CDC42SE2: variants seen among roughly 807,000 people sequenced by gnomAD.
CDC42SE2 encodes CDC42 small effector protein 2.
Under a neutral mutation model 11.5 loss-of-function variants are expected in CDC42SE2, and 3 were observed. The observed-to-expected ratio is 0.26, with a 90% CI of 0.12 to 0.67. CDC42SE2 has a LOEUF of 0.67. Ranked by LOEUF, CDC42SE2 falls within the 30% of genes least tolerant of loss-of-function variation. The pLI, the probability that CDC42SE2 is intolerant of heterozygous loss-of-function variation, is 0.80. For missense variants in CDC42SE2, 82 were observed against 106.8 expected, an observed-to-expected ratio of 0.77 and a Z score of 1.02; for synonymous variants, 33 against 34.8, an observed-to-expected ratio of 0.95 and a Z score of 0.18.
chr5:131,263,863 G>A (rs907285268), upstream of CDC42SE2: 1 of 152,318 alleles, frequency 6.6e-6, no homozygotes, highest in Non-Finnish European at 1.5e-5. Context: ...GAATCCCGGG[G>A]GTCCCATCGC....
At chr5:131,298,947 A>G (rs1287257674) in intron 1 of CDC42SE2, among the ~76,000 whole-genome samples, 1 of 152,182 alleles carries the variant, frequency 6.6e-6, no homozygotes, top group Non-Finnish European at 1.5e-5. Flanking sequence ...GAGGGCCTGA[A>G]TAGACTTGGG....
At chr5:131,283,421 C>T (rs1043067992) in intron 1 of CDC42SE2, among the ~76,000 whole-genome samples, 2 of 152,028 alleles carry the variant, frequency 1.3e-5, no homozygotes, top group African/African-American at 4.8e-5. Flanking sequence ...CGATATGTGA[C>T]CTTTTGTGTC....
chr5:131,307,425 C>G (rs565682032), intron 1 of CDC42SE2, among the ~76,000 whole-genome samples: 133 of 152,038 alleles, frequency 8.7e-4, no homozygotes, highest in South Asian at 2.7e-3. Context: ...CATAGTATTC[C>G]GTGGTGTATA....
intron 2 of CDC42SE2, among the ~76,000 whole-genome samples, chr5:131,347,809 G>GTC (rs2149759387): frequency 6.6e-6 from 1 of 152,304 alleles, no homozygotes; most frequent in East Asian, 1.9e-4. Context: ...CCACGATCAA[G>GTC]TGGGCTTTAT....
chr5:131,366,574 T>G (rs1749864308), intron 3 of CDC42SE2, among the ~76,000 whole-genome samples: 2 of 152,230 alleles, frequency 1.3e-5, no homozygotes, highest in Non-Finnish European at 1.5e-5. Context: ...TTTTTTTGTT[T>G]TTTTTACTAC....
chr5:131,233,321 T>C, the CDC42SE2 span, among the ~76,000 whole-genome samples: 1 of 152,216 alleles, frequency 6.6e-6, no homozygotes, highest in Non-Finnish European at 1.5e-5. Flanking sequence ...ATATATTTAA[T>C]CAGTCACCTA....
intron 1 of CDC42SE2, among the ~76,000 whole-genome samples, chr5:131,283,085 G>A (rs1580730066): frequency 1.3e-5 from 2 of 151,784 alleles, no homozygotes; most frequent in Non-Finnish European, 2.9e-5. Flanking sequence ...GTGCCACCAT[G>A]CCTGGCTAAT....
At chr5:131,287,287 G>T (rs930579956) in intron 1 of CDC42SE2, among the ~76,000 whole-genome samples, 1 of 151,904 alleles carries the variant, frequency 6.6e-6, no homozygotes, top group Non-Finnish European at 1.5e-5. Context: ...GAGTCACCTC[G>T]CCCGGCCTTG....
intron 2 of CDC42SE2, among the ~76,000 whole-genome samples, chr5:131,344,930 G>A (rs1758802797): frequency 6.6e-6 from 1 of 152,216 alleles, no homozygotes; most frequent in Non-Finnish European, 1.5e-5. Context: ...ACCTGCAGCT[G>A]AGGGTCCTGA....
intron 3 of CDC42SE2, among the ~76,000 whole-genome samples, chr5:131,376,248 C>CA (rs760294077): frequency 2.7e-5 from 4 of 149,390 alleles, no homozygotes; most frequent in African/African-American, 7.4e-5. Flanking sequence ...AAAAAAAAAA[C>CA]AAAAAACCTT....
chr5:131,372,579 T>C (rs1052003677), intron 3 of CDC42SE2, among the ~76,000 whole-genome samples: 1 of 152,036 alleles, frequency 6.6e-6, no homozygotes, highest in African/African-American at 2.4e-5. Context: ...CTGGGTGTGG[T>C]GGCACGCACC....
At chr5:131,304,733 G>A (rs1283856743) in intron 1 of CDC42SE2, among the ~76,000 whole-genome samples, 1 of 152,068 alleles carries the variant, frequency 6.6e-6, no homozygotes, top group Non-Finnish European at 1.5e-5. Context: ...ATTAGTAATC[G>A]TGTTTCTGAT....
Position 131,392,492 on chromosome 5 carries a change from C to CTTA in CDC42SE2, c.*1404_*1406dup, listed in dbSNP as rs1554066914. ...TTTCATAGAAAAAGATTACTTGTAG[C>CTTA]TTATTTTAGAAGTATGACCTTTTGG... is the stretch of plus-strand genomic sequence containing the variant. On this transcript the variant is annotated 3_prime_UTR_variant, in exon 5 of 5. Coordinates refer to ENST00000505065, the MANE Select transcript of CDC42SE2 (RefSeq NM_001375635.1). 15 of 152,334 alleles carry CTTA rather than the reference C, an allele frequency of 9.8e-5. No individual in the cohort carries two copies. The highest frequency in any genetic ancestry group is 8.5e-4 in the Admixed American group (13 of 15,270). 9.4% of individuals were successfully genotyped at this position (152,334 alleles called of 1,614,324 possible).
intron 1 of CDC42SE2, among the ~76,000 whole-genome samples, chr5:131,290,725 A>C (rs1269095955): frequency 4.0e-5 from 6 of 151,786 alleles, no homozygotes; most frequent in Non-Finnish European, 7.4e-5. Flanking sequence ...AGTGATCTGC[A>C]CACCTCGTCC....
chr5:131,218,174 C>CAAAAAA, the CDC42SE2 span, among the ~76,000 whole-genome samples: 1 of 74,758 alleles, frequency 1.3e-5, no homozygotes, highest in African/African-American at 3.7e-5. Flanking sequence ...GACCCTGTCT[C>CAAAAAA]AAAAAAAAAA....
intron 3 of CDC42SE2, among the ~76,000 whole-genome samples, chr5:131,379,207 AG>A (rs1392812915): frequency 6.6e-6 from 1 of 152,226 alleles, no homozygotes; most frequent in Non-Finnish European, 1.5e-5. Flanking sequence ...TCACTGTCCC[AG>A]ATGGCAAGTA....
At chr5:131,248,227 C>A (rs1285528697) in intron 1 of CDC42SE2, among the ~76,000 whole-genome samples, 1 of 152,042 alleles carries the variant, frequency 6.6e-6, no homozygotes, top group Non-Finnish European at 1.5e-5. Context: ...ACAACCTCTG[C>A]CTCCCAGGTT....
At chr5:131,386,368 C>T (rs190488444) in intron 4 of CDC42SE2, among the ~76,000 whole-genome samples, 17 of 152,286 alleles carry the variant, frequency 1.1e-4, no homozygotes, top group African/African-American at 3.6e-4. Context: ...GGTTTTGGGA[C>T]CCCTGTTATA....
chr5:131,304,536 T>A (rs1321791720), intron 1 of CDC42SE2, among the ~76,000 whole-genome samples: 1 of 152,212 alleles, frequency 6.6e-6, no homozygotes. Flanking sequence ...GTAAAATGTC[T>A]TTTTGGTCAA....
Sources: allele counts gnomAD v4.1 joint callset (sites outside exome capture counted in the v4.1 genomes callset), GRCh38; gene constraint gnomAD v4.1.1; transcripts MANE v1.5; gene names NCBI Gene and HGNC (gene_info 2026-07-23, HGNC 2026-07-21).